Variants in ZFHX3 observed in about 807,000 individuals in gnomAD.
The protein encoded by ZFHX3 is zinc finger homeobox protein 3.
ZFHX3 carries 42 observed loss-of-function variants against 279.1 expected under a neutral mutation model. The ratio of observed to expected loss-of-function variants is 0.15; its 90% CI spans 0.12 to 0.19. The LOEUF (loss-of-function observed/expected upper bound fraction) is 0.19, where lower values mean the gene tolerates loss of function less well. Ranked by LOEUF, ZFHX3 falls within the 10% of genes least tolerant of loss-of-function variation. The probability of loss-of-function intolerance (pLI) is 1.00; values close to 1 mark genes in which losing one functional copy is unlikely to be tolerated. For missense variants in ZFHX3, 4,981 were observed against 4,754.0 expected (o/e 1.05, Z -1.40); for synonymous variants, 2,293 against 1,957.8 (o/e 1.17, Z -4.52).
At chr16:73,761,596 A>G (rs1470132615) in intron 1 of ZFHX3, among the ~76,000 whole-genome samples, 1 of 152,230 alleles carries the variant, frequency 6.6e-6, no homozygotes, top group Non-Finnish European at 1.5e-5. Context: ...CTACAAGGCT[A>G]TAGTAATCAA....
intron 2 of ZFHX3, among the ~76,000 whole-genome samples, chr16:73,545,237 G>A (rs2020089776): frequency 1.3e-5 from 2 of 152,168 alleles, no homozygotes; most frequent in Admixed American, 1.3e-4. Context: ...TATCCTGTTG[G>A]CAGGACATTT....
intron 5 of ZFHX3, among the ~76,000 whole-genome samples, chr16:73,225,145 G>T (rs1202564588): frequency 6.6e-6 from 1 of 152,116 alleles, no homozygotes; most frequent in Non-Finnish European, 1.5e-5. Flanking sequence ...TTAGTGTACT[G>T]CCAAGTCTTG....
chr16:73,410,461 G>T (rs2017443675), intron 3 of ZFHX3, among the ~76,000 whole-genome samples: 1 of 152,170 alleles, frequency 6.6e-6, no homozygotes, highest in African/African-American at 2.4e-5. Flanking sequence ...GAGTACGATT[G>T]AATTGTTTGT....
At chr16:73,805,220 G>A (rs1252961061) in intron 1 of ZFHX3, among the ~76,000 whole-genome samples, 2 of 152,056 alleles carry the variant, frequency 1.3e-5, no homozygotes, top group Non-Finnish European at 2.9e-5. Flanking sequence ...CCAGGCTGGA[G>A]TGCAATGGCA....
At chr16:73,682,170 G>C (rs1260295647) in intron 1 of ZFHX3, among the ~76,000 whole-genome samples, 2 of 152,128 alleles carry the variant, frequency 1.3e-5, no homozygotes, top group African/African-American at 4.8e-5. Context: ...CTCTTATGAG[G>C]ATAAAATAAG....
chr16:73,839,982 C>A (rs141017356), intron 1 of ZFHX3, among the ~76,000 whole-genome samples: 1,667 of 152,294 alleles, frequency 0.011, 17 homozygotes, highest in Non-Finnish European at 0.017. Context: ...TCTGTGTCCT[C>A]CCATGTTCAA....
intron 1 of ZFHX3, among the ~76,000 whole-genome samples, chr16:73,804,718 G>C (rs180958515): frequency 6.6e-6 from 1 of 152,154 alleles, no homozygotes; most frequent in African/African-American, 2.4e-5. Flanking sequence ...GAGAAATGCA[G>C]CTGCTTCTAT....
At chr16:73,220,760 GTGTGTGTGTGTGTGTGTT>G (rs1351842846) in intron 5 of ZFHX3, among the ~76,000 whole-genome samples, 1 of 150,908 alleles carries the variant, frequency 6.6e-6, no homozygotes, top group Non-Finnish European at 1.5e-5. Flanking sequence ...TGCATTCTTT[GTGTGTGTGTGTGTGTGTT>G]TGTGTGTGTG....
chr16:73,356,584 G>A (rs1393637136), intron 3 of ZFHX3, among the ~76,000 whole-genome samples: 3 of 151,962 alleles, frequency 2.0e-5, no homozygotes, highest in African/African-American at 4.8e-5. Context: ...TCCCAGCTCC[G>A]ACACTTACAA....
At chr16:73,840,946 T>A (rs888684584) in intron 1 of ZFHX3, among the ~76,000 whole-genome samples, 1 of 152,042 alleles carries the variant, frequency 6.6e-6, no homozygotes, top group African/African-American at 2.4e-5. Flanking sequence ...AGAATGCCTA[T>A]CCCCTCCACC....
intron 3 of ZFHX3, among the ~76,000 whole-genome samples, chr16:73,320,390 T>C (rs2015552095): frequency 2.0e-5 from 3 of 152,196 alleles, no homozygotes; most frequent in Admixed American, 2.0e-4. Context: ...TAAAATACTC[T>C]AATAACCGCG....
intron 1 of ZFHX3, among the ~76,000 whole-genome samples, chr16:73,871,403 A>G (rs1187231199): frequency 3.3e-5 from 5 of 152,080 alleles, no homozygotes; most frequent in Non-Finnish European, 7.4e-5. Context: ...AGGCAATTTT[A>G]CTTCTTCTAT....
rs2016429738 is a variant in ZFHX3 at position 73,361,241 on chromosome 16, C to G, written c.-1290-42905G>C. On this transcript the variant is annotated intron_variant, in intron 3 of 17. Transcript: ENST00000641206. ...TTGTTTGCCTCCTCCCATACCAACT[C>G]TGACCTTGGCTGTGTGACTTGCTTT... 3.9e-5 allele frequency among the ~76,000 whole-genome samples: 6 copies of G among 152,374 alleles called. No homozygotes were observed. The South Asian group carries it at 1.2e-3, about 32-fold the overall frequency.
intron 5 of ZFHX3, among the ~76,000 whole-genome samples, chr16:73,189,298 G>T (rs138018035): frequency 6.6e-6 from 1 of 152,356 alleles, no homozygotes; most frequent in Non-Finnish European, 1.5e-5. Context: ...GCATGCCAAA[G>T]GCCAGTGAGC....
At chr16:73,701,773 C>G (rs2053249499) in intron 1 of ZFHX3, among the ~76,000 whole-genome samples, 1 of 151,882 alleles carries the variant, frequency 6.6e-6, no homozygotes, top group Non-Finnish European at 1.5e-5. Flanking sequence ...ATGGAGAGAT[C>G]TAATCCTGAA....
intron 3 of ZFHX3, among the ~76,000 whole-genome samples, chr16:73,430,510 C>G (rs1314255830): frequency 6.6e-6 from 1 of 152,146 alleles, no homozygotes; most frequent in Non-Finnish European, 1.5e-5. Context: ...AAGAAAATCC[C>G]TTTGCACATG....
intron 1 of ZFHX3, among the ~76,000 whole-genome samples, chr16:73,002,975 T>G (rs570598911): frequency 2.0e-5 from 3 of 152,216 alleles, no homozygotes; most frequent in Non-Finnish European, 4.4e-5. Flanking sequence ...ATTCTTTAGC[T>G]TCTCTTCTAT....
At position 73,709,731 on chromosome 16, in the gene ZFHX3, T is replaced by C. The variant is rs538657921; in HGVS notation, c.-1607-29491A>G. Reference sequence around the variant, plus strand: ...ATGATGACTATAGACAGTAACAATGTACTGTATCCTACAAAATTGCCAAAA... The same window carrying C: ...ATGATGACTATAGACAGTAACAATGCACTGTATCCTACAAAATTGCCAAAA... On this transcript the variant is annotated intron_variant, in intron 1 of 17. Transcript: ENST00000641206. 1.5e-4 allele frequency among the ~76,000 whole-genome samples: 23 copies of C among 152,268 alleles called. No individual in the cohort carries two copies. The South Asian group carries it at 4.6e-3, about 30-fold the overall frequency.
chr16:73,486,208 T>A (rs1046136792), intron 2 of ZFHX3, among the ~76,000 whole-genome samples: 2 of 152,212 alleles, frequency 1.3e-5, no homozygotes, highest in Non-Finnish European at 2.9e-5. Context: ...ATCCTCTCCA[T>A]TTACACAGGG....
Sources: allele counts gnomAD v4.1 joint callset (sites outside exome capture counted in the v4.1 genomes callset), GRCh38; gene constraint gnomAD v4.1.1; transcripts MANE v1.5; gene names NCBI Gene and HGNC (gene_info 2026-07-23, HGNC 2026-07-21).